Variants in DYM observed in about 807,000 individuals in gnomAD.
DYM encodes the protein dyggve-Melchior-Clausen syndrome protein.
DYM carries 78 observed loss-of-function variants against 93.1 expected under a neutral mutation model. That is an observed-to-expected ratio of 0.84 (90% CI 0.70 to 1.01). The LOEUF (loss-of-function observed/expected upper bound fraction) is 1.01. Among genes scored for constraint, DYM ranks in the 50% least tolerant of loss-of-function variants. The pLI is 0.00. For synonymous variants in DYM, 321 were observed against 319.7 expected (o/e 1.00, Z -0.04); for missense variants, 789 against 845.0 (o/e 0.93, Z 0.82).
chr18:49,350,095 C>T, intron 6 of DYM, among the ~76,000 whole-genome samples: 1 of 152,238 alleles, frequency 6.6e-6, no homozygotes, highest in Non-Finnish European at 1.5e-5. Context: ...TAAATTTTTA[C>T]CAAATTTATC....
At position 49,189,341 on chromosome 18, in the gene DYM, A is replaced by G. The variant is rs1198080191; in HGVS notation, c.1625+20210T>C. The stretch of plus-strand genomic sequence containing the variant: ...AAGGGGTTGAGGTGGGGAAAAGAAT[A>G]TGAGTTCAACTGCTTCTTCTTTTCC... On this transcript the variant is annotated intron_variant, in intron 14 of 17. Transcript: ENST00000675505. 3.9e-5 allele frequency among the ~76,000 whole-genome samples: 6 copies of G among 152,326 alleles called. No individual in the cohort carries two copies. In the South Asian group the frequency reaches 8.3e-4, roughly 21 times the overall value.
chr18:49,459,542 A>G (rs1000466232), intron 1 of DYM, among the ~76,000 whole-genome samples: 3 of 151,498 alleles, frequency 2.0e-5, no homozygotes, highest in Admixed American at 2.0e-4. Context: ...CACGGCCTCC[A>G]CCCTCCAGGT....
chr18:49,044,773 A>G (rs1287860166), intron 17 of DYM, among the ~76,000 whole-genome samples: 1 of 152,236 alleles, frequency 6.6e-6, no homozygotes, highest in Admixed American at 6.5e-5. Flanking sequence ...CCCTGGAGGC[A>G]GGAGCAATGG....
In DYM at chr18:49,460,433, A is replaced by G. The variant is rs1327418109; in HGVS notation, c.-89T>C. On this transcript the variant is annotated 5_prime_UTR_variant, in exon 1 of 18. Transcript: ENST00000675505. The stretch of plus-strand genomic sequence containing the variant: ...CGGCTGGGGGATCTGCTCCAGCTCC[A>G]CGGACCCGCGGACGGATGGGAGGGT... 6.6e-6 allele frequency: 1 copy of G among 152,244 alleles called. No individual in the cohort carries two copies. 9.4% of individuals were successfully genotyped at this position (152,244 alleles called of 1,614,324 possible).
At chr18:49,114,021 C>T (rs1274479340) in intron 16 of DYM, among the ~76,000 whole-genome samples, 4 of 152,178 alleles carry the variant, frequency 2.6e-5, no homozygotes, top group Non-Finnish European at 5.9e-5. Flanking sequence ...CTCAAGCCTA[C>T]TATTTCCCTT....
At chr18:49,078,327 G>A (rs1184567481) in intron 17 of DYM, among the ~76,000 whole-genome samples, 1 of 151,992 alleles carries the variant, frequency 6.6e-6, no homozygotes, top group African/African-American at 2.4e-5. Context: ...ATTTCACGTT[G>A]CATGCCTGTA....
At chr18:49,312,621 G>A (rs147916643) in intron 8 of DYM, among the ~76,000 whole-genome samples, 4 of 152,106 alleles carry the variant, frequency 2.6e-5, no homozygotes, top group East Asian at 1.9e-4. Context: ...TCTGCCCTCC[G>A]CACCCTTCAA....
intron 14 of DYM, among the ~76,000 whole-genome samples, chr18:49,170,404 G>A (rs570290065): frequency 1.3e-5 from 2 of 152,256 alleles, no homozygotes; most frequent in East Asian, 3.9e-4. Context: ...CAGAAGAGAG[G>A]GGAGGAGAAA....
Position 49,444,017 on chromosome 18 carries a change from C to A in DYM, c.-53-13570G>T, listed in dbSNP as rs796974568. 3.0e-4 allele frequency among the ~76,000 whole-genome samples: 46 copies of A among 152,288 alleles called. 1 individual carries two copies. The highest frequency in any genetic ancestry group is 1.1e-3 in the African/African-American group (45 of 41,554). The stretch of plus-strand genomic sequence containing the variant: ...AATTCAGCACAATCTGAAGTAGAAT[C>A]TGCTAAGATGTGTAACAACTGATGG... On this transcript the variant is annotated intron_variant, in intron 1 of 17. Coordinates refer to ENST00000675505, the MANE Select transcript of DYM (RefSeq NM_001353214.3).
At chr18:49,249,492 GA>G (rs909886883) in intron 13 of DYM, among the ~76,000 whole-genome samples, 24 of 152,272 alleles carry the variant, frequency 1.6e-4, no homozygotes, top group Non-Finnish European at 5.9e-5. Context: ...AGTGGGAACA[GA>G]AGTGAGGAAG....
chr18:49,210,787 G>A (rs1277825273), intron 13 of DYM, among the ~76,000 whole-genome samples: 1 of 152,126 alleles, frequency 6.6e-6, no homozygotes. Context: ...GAGGCCAGGG[G>A]ATATATGGCA....
At chr18:49,306,373 G>A (rs2061275368) in intron 8 of DYM, among the ~76,000 whole-genome samples, 1 of 152,126 alleles carries the variant, frequency 6.6e-6, no homozygotes, top group Admixed American at 6.6e-5. Context: ...ACTCAGAAAA[G>A]AAAGACAGAA....
At chr18:49,194,640 G>A (rs1393485879) in intron 14 of DYM, among the ~76,000 whole-genome samples, 1 of 151,960 alleles carries the variant, frequency 6.6e-6, no homozygotes, top group African/African-American at 2.4e-5. Flanking sequence ...ACATTTTAGT[G>A]TAGATCACTG....
chr18:49,059,738 T>C (rs1599426024), intron 17 of DYM, among the ~76,000 whole-genome samples: 1 of 152,226 alleles, frequency 6.6e-6, no homozygotes, highest in East Asian at 1.9e-4. Flanking sequence ...CAACATCTTA[T>C]TATGGAAAAT....
intron 8 of DYM, among the ~76,000 whole-genome samples, chr18:49,314,984 G>A (rs2146435215): frequency 6.6e-6 from 1 of 152,288 alleles, no homozygotes; most frequent in Admixed American, 6.5e-5. Context: ...GGAGGCCGAG[G>A]CAGGTGGATG....
chr18:49,083,839 G>A (rs1401829402), intron 17 of DYM, among the ~76,000 whole-genome samples: 2 of 151,820 alleles, frequency 1.3e-5, no homozygotes, highest in South Asian at 4.2e-4. Context: ...GGTCAATAAC[G>A]GTGCTCTTTT....
intron 2 of DYM, among the ~76,000 whole-genome samples, chr18:49,422,861 T>C (rs963522108): frequency 1.3e-5 from 2 of 152,146 alleles, no homozygotes; most frequent in African/African-American, 4.8e-5. Flanking sequence ...CCTAAATATA[T>C]ATGCACCCAA....
At chr18:49,262,860 C>G (rs1054181339) in intron 11 of DYM, among the ~76,000 whole-genome samples, 2 of 152,040 alleles carry the variant, frequency 1.3e-5, no homozygotes, top group African/African-American at 4.8e-5. Context: ...AAATCCATTC[C>G]TCTATTAATG....
intron 14 of DYM, among the ~76,000 whole-genome samples, chr18:49,180,321 C>T (rs565531547): frequency 6.6e-6 from 1 of 152,198 alleles, no homozygotes; most frequent in East Asian, 1.9e-4. Context: ...TGTCAGTGCC[C>T]ATCCTCGTTC....
Sources: gnomAD v4.1 joint callset for allele counts (sites outside exome capture counted in the v4.1 genomes callset) on GRCh38, gnomAD v4.1.1 for gene constraint, MANE v1.5 for transcripts, NCBI Gene and HGNC (gene_info 2026-07-23, HGNC 2026-07-21) for gene names.